Variants in ELAPOR2 observed in about 807,000 individuals in gnomAD.
ELAPOR2 encodes endosome/lysosome-associated apoptosis and autophagy regulator family member 2.
In ELAPOR2, 89 loss-of-function variants were observed where a neutral mutation model predicts 120.7. The ratio of observed to expected loss-of-function variants is 0.74; its 90% CI spans 0.62 to 0.88. ELAPOR2 has a LOEUF of 0.88. Ranked by LOEUF, ELAPOR2 falls within the 40% of genes least tolerant of loss-of-function variation. The pLI is 0.00. For synonymous variants in ELAPOR2, 444 were observed against 444.9 expected, an observed-to-expected ratio of 1.00 and a Z score of 0.03; for missense variants, 1,134 against 1,251.6, an observed-to-expected ratio of 0.91 and a Z score of 1.42.
At chr7:87,021,894 A>G (rs1056074234) in intron 1 of ELAPOR2, among the ~76,000 whole-genome samples, 1 of 152,164 alleles carries the variant, frequency 6.6e-6, no homozygotes, top group Non-Finnish European at 1.5e-5. Context: ...ACAGATTAAA[A>G]TGAGGCAAAC....
At chr7:87,057,886 G>A (rs1441028309) in intron 1 of ELAPOR2, among the ~76,000 whole-genome samples, 1 of 152,184 alleles carries the variant, frequency 6.6e-6, no homozygotes, top group African/African-American at 2.4e-5. Context: ...ATTAGAAGTT[G>A]GGGGCTGGAG....
intron 1 of ELAPOR2, among the ~76,000 whole-genome samples, chr7:86,975,690 A>T (rs1310152887): frequency 6.6e-6 from 1 of 152,142 alleles, no homozygotes; most frequent in African/African-American, 2.4e-5. Context: ...GTCACAATAA[A>T]CTATTCACAC....
intron 1 of ELAPOR2, among the ~76,000 whole-genome samples, chr7:87,016,397 A>T (rs1280994661): frequency 6.6e-6 from 1 of 151,888 alleles, no homozygotes; most frequent in Admixed American, 6.6e-5. Context: ...CCTGTATTTC[A>T]TATTTCAGAT....
At chr7:86,997,484 T>C (rs932595726) in intron 1 of ELAPOR2, among the ~76,000 whole-genome samples, 2 of 152,196 alleles carry the variant, frequency 1.3e-5, no homozygotes, top group Non-Finnish European at 2.9e-5. Context: ...CATTAAAACA[T>C]TAGTAATATT....
intron 12 of ELAPOR2, among the ~76,000 whole-genome samples, chr7:86,915,951 TATA>T (rs1438657619): frequency 6.6e-6 from 1 of 152,100 alleles, no homozygotes; most frequent in Non-Finnish European, 1.5e-5. Context: ...CATTATGGGT[TATA>T]ATAATTGAAA....
intron 1 of ELAPOR2, among the ~76,000 whole-genome samples, chr7:86,993,825 C>A (rs1793034488): frequency 6.6e-6 from 1 of 152,166 alleles, no homozygotes; most frequent in Admixed American, 6.5e-5. Flanking sequence ...AAATGAATCA[C>A]AAGTTCATGT....
chr7:86,980,963 C>T (rs1190809896), intron 1 of ELAPOR2, among the ~76,000 whole-genome samples: 1 of 152,132 alleles, frequency 6.6e-6, no homozygotes, highest in Non-Finnish European at 1.5e-5. Flanking sequence ...AGAGGCTGAC[C>T]TTTCTGGACT....
chr7:86,916,984 T>TTG (rs1789598818), intron 12 of ELAPOR2, among the ~76,000 whole-genome samples: 1 of 143,530 alleles, frequency 7.0e-6, no homozygotes, highest in Admixed American at 6.9e-5. Flanking sequence ...TTTTTTTTTT[T>TTG]GGGTAGAGAT....
chr7:86,975,788 A>G (rs1792264956), intron 1 of ELAPOR2, among the ~76,000 whole-genome samples: 1 of 152,248 alleles, frequency 6.6e-6, no homozygotes, highest in African/African-American at 2.4e-5. Context: ...CAAAATAAAC[A>G]GCAGGTAGTC....
At chr7:86,977,084 T>G (rs1792307024) in intron 1 of ELAPOR2, among the ~76,000 whole-genome samples, 1 of 152,202 alleles carries the variant, frequency 6.6e-6, no homozygotes, top group African/African-American at 2.4e-5. Context: ...ATGTCTCAAA[T>G]CTCAGTCAAG....
chr7:87,043,532 G>A (rs1794851471), intron 1 of ELAPOR2, among the ~76,000 whole-genome samples: 1 of 150,618 alleles, frequency 6.6e-6, no homozygotes, highest in South Asian at 2.1e-4. Context: ...CTCAATAGAT[G>A]CAGAAAAAGC....
intron 1 of ELAPOR2, among the ~76,000 whole-genome samples, chr7:87,022,821 G>A (rs1794102375): frequency 6.6e-6 from 1 of 151,710 alleles, no homozygotes; most frequent in Admixed American, 6.6e-5. Flanking sequence ...GCATTTCTCT[G>A]ATGGCCAGTG....
chr7:86,940,913 T>TA (rs749323039), intron 5 of ELAPOR2, among the ~76,000 whole-genome samples: 12 of 152,162 alleles, frequency 7.9e-5, no homozygotes, highest in East Asian at 3.9e-4. Context: ...CCTTTTTAAG[T>TA]AAAAAAAGTA....
At chr7:86,881,702 C>T (rs541383928) in intron 21 of ELAPOR2, among the ~76,000 whole-genome samples, 9 of 152,192 alleles carry the variant, frequency 5.9e-5, no homozygotes, top group African/African-American at 1.7e-4. Context: ...TGCCATGTTG[C>T]CCAGGCTTCT....
chr7:87,030,682 A>T (rs947861779), intron 1 of ELAPOR2, among the ~76,000 whole-genome samples: 4 of 152,196 alleles, frequency 2.6e-5, no homozygotes, highest in Non-Finnish European at 4.4e-5. Context: ...CAGTAGCTGC[A>T]GACAACCAGA....
intron 1 of ELAPOR2, among the ~76,000 whole-genome samples, chr7:87,004,850 A>T (rs1197126246): frequency 6.6e-6 from 1 of 152,160 alleles, no homozygotes; most frequent in Non-Finnish European, 1.5e-5. Context: ...TCTTTCTCTA[A>T]AGAATATCAG....
At chr7:86,899,826 A>G (rs1027884908) in intron 18 of ELAPOR2, among the ~76,000 whole-genome samples, 1 of 151,986 alleles carries the variant, frequency 6.6e-6, no homozygotes, top group Non-Finnish European at 1.5e-5. Flanking sequence ...AAATGGTTTA[A>G]TTCTTATCTG....
intron 1 of ELAPOR2, among the ~76,000 whole-genome samples, chr7:87,009,020 G>A (rs184515826): frequency 2.0e-4 from 30 of 152,256 alleles, no homozygotes; most frequent in African/African-American, 7.2e-4. Flanking sequence ...TTGAAGGAGA[G>A]AACATACCTG....
At chr7:86,994,926 T>A (rs1767691) in intron 1 of ELAPOR2, among the ~76,000 whole-genome samples, 23,702 of 150,304 alleles carry the variant, frequency 0.16, 2,343 homozygotes, top group African/African-American at 0.28. Context: ...ACAGAAAAAA[T>A]CCCACTCAAA....
Sources: allele counts gnomAD v4.1 joint callset (sites outside exome capture counted in the v4.1 genomes callset), GRCh38; gene constraint gnomAD v4.1.1; transcripts MANE v1.5; gene names NCBI Gene and HGNC (gene_info 2026-07-23, HGNC 2026-07-21).